Variants in APBB2 observed in about 807,000 individuals in gnomAD.
The protein encoded by APBB2 is Fe65-like 1.
APBB2 carries 38 observed loss-of-function variants against 82.5 expected under a neutral mutation model. The ratio of observed to expected loss-of-function variants is 0.46; its 90% confidence interval spans 0.36 to 0.60. The LOEUF (loss-of-function observed/expected upper bound fraction) is 0.60, where lower values mean the gene tolerates loss of function less well. Ranked by LOEUF, APBB2 falls within the 20% of genes least tolerant of loss-of-function variation. The pLI, the probability that APBB2 is intolerant of heterozygous loss-of-function variation, is 0.00. For missense variants in APBB2, 772 were observed against 972.3 expected, an observed-to-expected ratio of 0.79 and a Z score of 2.74; for synonymous variants, 341 against 368.2, an observed-to-expected ratio of 0.93 and a Z score of 0.85.
chr4:41,020,011 CAA>C (rs1473932404), intron 5 of APBB2, among the ~76,000 whole-genome samples: 2 of 151,288 alleles, frequency 1.3e-5, no homozygotes, highest in African/African-American at 4.9e-5. Flanking sequence ...GACAGAAAGT[CAA>C]AGAGAGAAGG....
intron 4 of APBB2, among the ~76,000 whole-genome samples, chr4:41,059,981 C>A (rs1214164823): frequency 7.5e-5 from 11 of 145,706 alleles, no homozygotes; most frequent in Non-Finnish European, 6.0e-5. Flanking sequence ...AACTCCGTCT[C>A]AAAAAAAAAT....
intron 2 of APBB2, among the ~76,000 whole-genome samples, chr4:41,124,620 TA>T (rs1753861647): frequency 6.6e-6 from 1 of 152,218 alleles, no homozygotes; most frequent in African/African-American, 2.4e-5. Context: ...ATCTCTGGTT[TA>T]AATCATTTCT....
At chr4:40,850,363 G>T (rs1451281468) in intron 12 of APBB2, among the ~76,000 whole-genome samples, 1 of 152,126 alleles carries the variant, frequency 6.6e-6, no homozygotes, top group Non-Finnish European at 1.5e-5. Flanking sequence ...TCTTAAAAAA[G>T]AAAGAGGCTC....
intron 12 of APBB2, among the ~76,000 whole-genome samples, chr4:40,871,559 G>A (rs1198685440): frequency 2.6e-5 from 4 of 152,174 alleles, no homozygotes; most frequent in African/African-American, 9.7e-5. Context: ...CATTAATTTA[G>A]AATTCATGGT....
intron 1 of APBB2, among the ~76,000 whole-genome samples, chr4:41,158,721 T>C (rs1273986138): frequency 6.6e-6 from 1 of 152,078 alleles, no homozygotes; most frequent in Non-Finnish European, 1.5e-5. Flanking sequence ...TTTAGCAGGA[T>C]TTTTTTTGTA....
At position 41,027,966 on chromosome 4, in the gene APBB2, G is replaced by C. The variant is rs1269933379; in HGVS notation, c.19+5270C>G. Among the ~76,000 whole-genome samples the C allele has an allele frequency of 2.0e-5, 3 of 152,210 alleles. No homozygotes were observed. In the East Asian group the frequency reaches 5.8e-4, roughly 29 times the overall value. On this transcript the variant is annotated intron_variant, in intron 5 of 17. Coordinates refer to ENST00000508593, the MANE Select transcript of APBB2 (RefSeq NM_004307.2). ...GGATCGATTCCTAATCCAGAGGTGG[G>C]TATAAGTTCAGATTTAAGAGTGTGA...
intron 1 of APBB2, among the ~76,000 whole-genome samples, chr4:41,159,359 T>C (rs543276987): frequency 2.0e-5 from 3 of 152,342 alleles, no homozygotes; most frequent in African/African-American, 7.2e-5. Flanking sequence ...AAAAGGGCTA[T>C]TTTTCTATGA....
intron 16 of APBB2, 188 bp from the exon 17 acceptor site, chr4:40,822,238 G>A (rs1748248002): frequency 3.2e-6 from 2 of 621,804 alleles, no homozygotes; most frequent in Non-Finnish European, 2.8e-6. Context: ...ACCCTGTTCT[G>A]GAGGTCATTC....
intron 7 of APBB2, among the ~76,000 whole-genome samples, chr4:40,937,473 C>T (rs1180351787): frequency 6.6e-6 from 1 of 152,230 alleles, no homozygotes; most frequent in African/African-American, 2.4e-5. Flanking sequence ...CAGAATCCAG[C>T]TCTCATGTTA....
rs953495179 is a variant in APBB2 at position 40,832,416 on chromosome 4, G to A, written c.1530-1839C>T. The stretch of plus-strand genomic sequence containing the variant: ...GCTGCCCCATGACGCTTTAATCACC[G>A]GCAATCCACACATGACCCCAACATT... On this transcript the variant is annotated intron_variant, in intron 12 of 17. Transcript: ENST00000508593. The surrounding 1 kb of genome is among the most constrained non-coding windows in gnomAD (Gnocchi z 4.8). Among the ~76,000 whole-genome samples the A allele has an allele frequency of 6.6e-5, 10 of 151,992 alleles. No homozygotes were observed. The highest frequency in any genetic ancestry group is 6.2e-4 in the South Asian group (3 of 4,824).
intron 5 of APBB2, among the ~76,000 whole-genome samples, chr4:41,017,388 T>C (rs115069059): frequency 6.6e-6 from 1 of 152,012 alleles, no homozygotes; most frequent in African/African-American, 2.4e-5. Flanking sequence ...CTCAAAAGGG[T>C]CATGAAGTAG....
chr4:41,009,389 T>G (rs80049396), intron 6 of APBB2, among the ~76,000 whole-genome samples: 4,994 of 152,198 alleles, frequency 0.033, 130 homozygotes, highest in Admixed American at 0.07. Flanking sequence ...CTTGTTTTCT[T>G]AAAGGACAGA....
intron 10 of APBB2, among the ~76,000 whole-genome samples, chr4:40,921,728 G>A (rs977036148): frequency 5.3e-5 from 8 of 152,194 alleles, no homozygotes; most frequent in Non-Finnish European, 8.8e-5. Flanking sequence ...ATCTGAGCTC[G>A]TAACTGAAAA....
intron 1 of APBB2, among the ~76,000 whole-genome samples, chr4:41,204,209 C>A (rs779472177): frequency 1.3e-5 from 2 of 152,192 alleles, no homozygotes; most frequent in Non-Finnish European, 2.9e-5. Context: ...GAAATATGTT[C>A]GGTGCCTCAT....
At chr4:40,933,603 C>T (rs959958359) in intron 10 of APBB2, among the ~76,000 whole-genome samples, 1 of 152,160 alleles carries the variant, frequency 6.6e-6, no homozygotes, top group Admixed American at 6.5e-5. Context: ...CCAACCCTCC[C>T]GTGCTCACAC....
intron 6 of APBB2, among the ~76,000 whole-genome samples, chr4:41,007,840 G>A (rs1368162079): frequency 1.3e-5 from 2 of 152,178 alleles, no homozygotes; most frequent in African/African-American, 4.8e-5. Context: ...TAATGAAGAC[G>A]TGGCTGCTGC....
chr4:40,878,599 C>G (rs931700187), intron 12 of APBB2, among the ~76,000 whole-genome samples: 1 of 152,126 alleles, frequency 6.6e-6, no homozygotes, highest in African/African-American at 2.4e-5. Flanking sequence ...TCAGGACTTT[C>G]AAATGTTTCT....
chr4:41,194,553 G>C, intron 1 of APBB2, among the ~76,000 whole-genome samples: 1 of 151,884 alleles, frequency 6.6e-6, no homozygotes, highest in Non-Finnish European at 1.5e-5. Flanking sequence ...CATGGTGGCA[G>C]GCGCCTGTAG....
chr4:40,945,099 G>C, intron 6 of APBB2, 26 bp from the exon 7 acceptor site: 4 of 1,199,836 alleles, frequency 3.3e-6, no homozygotes, highest in Non-Finnish European at 3.6e-6. Context: ...GCGGGGCGGG[G>C]GGAGAAAGAG....
Sources: allele counts gnomAD v4.1 joint callset (sites outside exome capture counted in the v4.1 genomes callset), GRCh38; gene constraint gnomAD v4.1.1; non-coding constraint Gnocchi (gnomAD v3.1); transcripts MANE v1.5; gene names NCBI Gene and HGNC (gene_info 2026-07-23, HGNC 2026-07-21).